SAP30BP: variants seen among roughly 807,000 people sequenced by gnomAD.
The protein encoded by SAP30BP is SAP30 binding protein.
A neutral mutation model predicts 46.3 loss-of-function variants in SAP30BP; 31 were observed. The ratio of observed to expected loss-of-function variants is 0.67; its 90% CI spans 0.50 to 0.90. SAP30BP has a LOEUF of 0.90. SAP30BP is among the 40% of genes least tolerant of loss of function. The pLI, the probability that SAP30BP is intolerant of heterozygous loss-of-function variation, is 0.00. For missense variants in SAP30BP, 312 were observed against 391.0 expected, an observed-to-expected ratio of 0.80 and a Z score of 1.70; for synonymous variants, 169 against 144.2, an observed-to-expected ratio of 1.17 and a Z score of -1.23.
chr17:75,668,187 T>G, intron 1 of SAP30BP: 1 of 244,788 alleles, frequency 4.1e-6, no homozygotes, highest in South Asian at 9.7e-5. Flanking sequence ...ACTTCCATGT[T>G]TTGTGATTTT....
chr17:75,698,672 C>A (rs1484817391), intron 4 of SAP30BP, among the ~76,000 whole-genome samples: 7 of 152,040 alleles, frequency 4.6e-5, no homozygotes, highest in African/African-American at 1.7e-4. Context: ...CAGACATATG[C>A]AGTGGTGGCT....
rs779648777 is a variant in SAP30BP, at chr17:75,702,575, A to G, written c.488+4A>G. 7.0e-7 allele frequency: 1 copy of G among 1,419,336 alleles called. No homozygotes were observed. The highest frequency in any genetic ancestry group is 9.9e-7 in the Non-Finnish European group (1 of 1,006,510). 87.9% of individuals were successfully genotyped at this position (1,419,336 alleles called of 1,614,324 possible). A position where few individuals can be genotyped will look rare whatever the true frequency, so the allele number is the denominator to read the frequency against. ...AGAAAGAATTTCGGAACCCTAGGTA[A>G]GTTTCCCTTGAGCCTGCAGAGTTTA... On this transcript the variant is annotated splice_donor_region_variant and intron_variant, in intron 6 of 10. Coordinates refer to ENST00000584667, the MANE Select transcript of SAP30BP (RefSeq NM_013260.8).
chr17:75,669,079 CTTT>C (rs1387713180), intron 2 of SAP30BP, among the ~76,000 whole-genome samples: 1 of 143,136 alleles, frequency 7.0e-6, no homozygotes. Flanking sequence ...TTTTTCTTTT[CTTT>C]TTTTTTTTTG....
intron 4 of SAP30BP, among the ~76,000 whole-genome samples, chr17:75,696,405 A>G (rs1055365735): frequency 6.6e-6 from 1 of 151,618 alleles, no homozygotes; most frequent in Non-Finnish European, 1.5e-5. Context: ...TTAGCCAGGC[A>G]TGGTGGTACT....
chr17:75,686,867 T>C (rs1262066616), intron 3 of SAP30BP, among the ~76,000 whole-genome samples: 3 of 152,244 alleles, frequency 2.0e-5, no homozygotes, highest in African/African-American at 7.2e-5. Flanking sequence ...CTCTCACTCC[T>C]AGCCCCCAAC....
At chr17:75,667,611 G>A in intron 1 of SAP30BP, 133 bp downstream of exon 1, 1 of 722,576 alleles carries the variant, frequency 1.4e-6, no homozygotes, top group East Asian at 2.7e-5. Flanking sequence ...CCAGGGTCCG[G>A]GGTGAGATAG....
intron 2 of SAP30BP, among the ~76,000 whole-genome samples, chr17:75,669,179 G>A (rs1264805830): frequency 1.3e-5 from 2 of 151,950 alleles, no homozygotes; most frequent in African/African-American, 2.4e-5. Flanking sequence ...CTGGGCGCAA[G>A]TGATCCTCCC....
Position 75,706,132 on chromosome 17 carries a change from G to A in SAP30BP, c.745+40G>A. On this transcript the variant is annotated intron_variant, in intron 10 of 10. Transcript: ENST00000584667. The surrounding 1 kb of genome is among the most constrained non-coding windows in gnomAD (Gnocchi z 4.6). ...TGCCCTGCCTCCTGCCACACACATG[G>A]AGCCAGGGTCTCCCTGGCTTGTTTG... 1.5e-5 allele frequency: 24 copies of A among 1,593,902 alleles called. No individual in the cohort carries two copies. The highest frequency in any genetic ancestry group is 2.1e-5 in the Non-Finnish European group (24 of 1,170,648).
At chr17:75,690,375 G>A (rs2060223945) in intron 3 of SAP30BP, among the ~76,000 whole-genome samples, 2 of 152,184 alleles carry the variant, frequency 1.3e-5, no homozygotes, top group African/African-American at 4.8e-5. Context: ...GGATGGTTGT[G>A]TGTAAATGGT....
chr17:75,671,214 T>C (rs955334514), intron 2 of SAP30BP, among the ~76,000 whole-genome samples: 4 of 152,222 alleles, frequency 2.6e-5, no homozygotes, highest in South Asian at 2.1e-4. Flanking sequence ...TCCTGAAAGG[T>C]TGGGCATTGC....
chr17:75,671,921 G>A, intron 3 of SAP30BP, 58 bp downstream of exon 3: 1 of 1,324,668 alleles, frequency 7.5e-7, no homozygotes, highest in Non-Finnish European at 1.1e-6. Context: ...TGAACACTGT[G>A]GCTCAGTTCG....
chr17:75,675,007 T>C (rs191426372), intron 3 of SAP30BP, among the ~76,000 whole-genome samples: 2 of 152,186 alleles, frequency 1.3e-5, no homozygotes, highest in Middle Eastern at 3.4e-3. Context: ...CCAGTGCACA[T>C]GAACATAGGA....
chr17:75,702,514 A>G lies in SAP30BP; in HGVS notation c.431A>G (p.Lys144Arg). Residue 144 changes from lysine (K) to arginine (R), a missense_variant, in exon 6 of 11, where the codon AAG becomes AGG. Lys to Arg is a conservative substitution (Grantham distance 26, BLOSUM62 2). Around this residue, in one of 2 missense-constraint regions of SAP30BP, gnomAD observed 296 missense variants for 346.6 expected, o/e 0.85. Transcript: ENST00000584667. The stretch of plus-strand genomic sequence containing the variant: ...CAGAAGCTTTATGAACGAAAGATAA[A>G]GGAGGGAATGGATATGAACTACATT... ...KIQKLYERKI[K>R]EGMDMNYIIQ... 2 of 1,587,684 alleles carry G rather than the reference A, an allele frequency of 1.3e-6. No homozygotes were observed. Among genetic ancestry groups the G allele is most frequent in the Non-Finnish European group, 1.7e-6 (2 of 1,157,352 alleles).
chr17:75,697,415 A>T (rs2060339217), intron 4 of SAP30BP, among the ~76,000 whole-genome samples: 1 of 152,188 alleles, frequency 6.6e-6, no homozygotes, highest in South Asian at 2.1e-4. Context: ...AGGAAGTTAG[A>T]GGAGACTTGA....
intron 3 of SAP30BP, among the ~76,000 whole-genome samples, chr17:75,677,183 G>A (rs1189301834): frequency 7.2e-6 from 1 of 139,264 alleles, no homozygotes. Flanking sequence ...TCGGCTCACT[G>A]CAACCTCTGC....
chr17:75,677,755 CT>C (rs35174866), intron 3 of SAP30BP, among the ~76,000 whole-genome samples: 9,730 of 119,224 alleles, frequency 0.082, 459 homozygotes, highest in African/African-American at 0.14. Context: ...ACACCCAGCC[CT>C]TTTTTTTTTT....
At chr17:75,669,070 T>C (rs1296774360) in intron 2 of SAP30BP, among the ~76,000 whole-genome samples, 1 of 150,278 alleles carries the variant, frequency 6.7e-6, no homozygotes, top group Admixed American at 6.6e-5. Context: ...TTCACCTGCT[T>C]TTTCTTTTCT....
At chr17:75,682,050 C>G (rs1175519201) in intron 3 of SAP30BP, among the ~76,000 whole-genome samples, 1 of 151,722 alleles carries the variant, frequency 6.6e-6, no homozygotes, top group Non-Finnish European at 1.5e-5. Flanking sequence ...TTTTAATGGA[C>G]AGAGTTATTT....
intron 3 of SAP30BP, among the ~76,000 whole-genome samples, chr17:75,682,343 C>T (rs969873217): frequency 2.0e-5 from 3 of 151,988 alleles, no homozygotes; most frequent in Middle Eastern, 3.2e-3. Flanking sequence ...CACCACCACA[C>T]CCGGCTAATT....
Sources: allele counts gnomAD v4.1 joint callset (sites outside exome capture counted in the v4.1 genomes callset), GRCh38; gene constraint gnomAD v4.1.1; regional missense constraint gnomAD v4.1.1; non-coding constraint Gnocchi (gnomAD v3.1); transcripts MANE v1.5; gene names NCBI Gene and HGNC (gene_info 2026-07-23, HGNC 2026-07-21).